PRKAB2: variants seen among roughly 807,000 people sequenced by gnomAD.
PRKAB2 encodes protein kinase AMP-activated non-catalytic subunit beta 2, also known as 5'-AMP-activated protein kinase subunit beta-2.
PRKAB2 carries 18 observed loss-of-function variants against 29.8 expected under a neutral mutation model. That is an observed-to-expected ratio of 0.60 (90% CI 0.42 to 0.89). PRKAB2 has a LOEUF of 0.89. PRKAB2 is among the 40% of genes least tolerant of loss of function. The probability of loss-of-function intolerance (pLI) is 0.00; values close to 1 mark genes in which losing one functional copy is unlikely to be tolerated. For missense variants in PRKAB2, 270 were observed against 344.3 expected, an observed-to-expected ratio of 0.78 and a Z score of 1.71; for synonymous variants, 136 against 125.9, an observed-to-expected ratio of 1.08 and a Z score of -0.54.
At chr1:147,169,181 G>GTT (rs201940212) in intron 2 of PRKAB2, among the ~76,000 whole-genome samples, 4 of 151,210 alleles carry the variant, frequency 2.6e-5, no homozygotes, top group Non-Finnish European at 5.9e-5. Context: ...AATAATGTGG[G>GTT]TTTTTTTTTA....
chr1:147,159,391 A>G lies in PRKAB2; in HGVS notation c.*174T>C. 1.8e-6 allele frequency: 1 copy of G among 564,160 alleles called. No homozygotes were observed. Among genetic ancestry groups the G allele is most frequent in the Non-Finnish European group, 3.2e-6 (1 of 316,748 alleles). 34.9% of individuals were successfully genotyped at this position (564,160 alleles called of 1,614,324 possible). On this transcript the variant is annotated 3_prime_UTR_variant, in exon 8 of 8. Transcript: ENST00000254101. ...TTCTTAAAATAAATTCCGTGAACTC[A>G]TAAAGCTCTCATCTGCAATCAAATG...
At chr1:147,164,228 C>T (rs1654121200) in intron 5 of PRKAB2, among the ~76,000 whole-genome samples, 1 of 152,116 alleles carries the variant, frequency 6.6e-6, no homozygotes, top group Non-Finnish European at 1.5e-5. Context: ...TGTGAGCCAC[C>T]AAATTCATTG....
Position 147,167,918 on chromosome 1 carries a change from C to G in PRKAB2, c.172G>C (p.Glu58Gln). The change falls in exon 3 of 8, where the codon GAG (glutamate) becomes CAG (glutamine). Residue 58 changes from glutamate (E) to glutamine (Q), a missense_variant. Physicochemically the swap from Glu to Gln is conservative, Grantham distance 29 (BLOSUM62 2). Coordinates refer to ENST00000254101, the MANE Select transcript of PRKAB2 (RefSeq NM_005399.5). ...LPDSKLPGDK[E>Q]FVSWQQDLED... ...AAATCCTGCTGCCATGATACAAACT[C>G]TTTGTCCCCAGGGAGCTGTAAGAAG... The G allele has an allele frequency of 6.2e-7, 1 of 1,613,002 alleles. No homozygotes were observed. The highest frequency in any genetic ancestry group is 2.2e-5 in the East Asian group (1 of 44,862).
rs1354534876 is a variant in PRKAB2, at chr1:147,159,460, C to T, written c.*105G>A. On this transcript the variant is annotated 3_prime_UTR_variant, in exon 8 of 8. Transcript: ENST00000254101. ...CTCAGAGGCTCTGAAACACACATAT[C>T]AGCCTCAAAGCAAATCAGCCTTCCA... is the stretch of plus-strand genomic sequence containing the variant. 2.1e-6 allele frequency: 2 copies of T among 951,670 alleles called. No individual in the cohort carries two copies. The highest frequency in any genetic ancestry group is 3.2e-6 in the Non-Finnish European group (2 of 616,010). 59.0% of individuals were successfully genotyped at this position (951,670 alleles called of 1,614,324 possible). A position where few individuals can be genotyped will look rare whatever the true frequency, so the allele number is the denominator to read the frequency against.
Position 147,161,787 on chromosome 1 carries a change from G to A in PRKAB2, c.673-7C>T. On this transcript the variant is annotated splice_polypyrimidine_tract_variant and splice_region_variant and intron_variant, in intron 6 of 7. Transcript: ENST00000254101. ...GGAGTAAGGCTGGGTCACACTAAGA[G>A]AAAGAGAAAAAAATTACTAAAAAAA... The A allele has an allele frequency of 6.3e-7, 1 of 1,595,474 alleles. No individual in the cohort carries two copies. Among genetic ancestry groups the A allele is most frequent in the Middle Eastern group, 1.7e-4 (1 of 5,980 alleles).
chr1:147,166,869 G>A lies in PRKAB2; in HGVS notation c.394C>T (p.Gln132Ter). Residue 132 changes from glutamine (Q) to a stop codon, truncating the protein, a stop_gained, in exon 4 of 8, where the codon CAG (glutamine) becomes TAG (stop). Transcript: ENST00000254101. LOFTEE classifies it high-confidence loss of function. ...EHQYKFFVDG[Q>*]WVHDPSEPVV... is the part of the protein sequence containing the mutation. ...ACCTCTGATGGATCATGAACCCACT[G>A]TCCATCCACAAAGAACTTGTATTGG... is the stretch of plus-strand genomic sequence containing the variant. 3.1e-6 allele frequency: 5 copies of A among 1,613,896 alleles called. No homozygotes were observed. Among genetic ancestry groups the A allele is most frequent in the Non-Finnish European group, 4.2e-6 (5 of 1,179,782 alleles).
Position 147,159,293 on chromosome 1 carries a change from A to G in PRKAB2, c.*272T>C. On this transcript the variant is annotated 3_prime_UTR_variant, in exon 8 of 8. Coordinates refer to ENST00000254101, the MANE Select transcript of PRKAB2 (RefSeq NM_005399.5). ...CCCAAACAGGTCTTGGTGAAAACCC[A>G]CAGGCAGAAACAATACTTCTAGCTG... 2.6e-6 allele frequency: 1 copy of G among 391,260 alleles called. No homozygotes were observed. The highest frequency in any genetic ancestry group is 4.6e-6 in the Non-Finnish European group (1 of 218,494). The allele number at this position is 391,260 out of a possible 1,614,324, so 24.2% of individuals were successfully genotyped here. A position where few individuals can be genotyped will look rare whatever the true frequency, so the allele number is the denominator to read the frequency against.
At chr1:147,164,819 A>C (rs1484007876) in intron 5 of PRKAB2, among the ~76,000 whole-genome samples, 1 of 152,200 alleles carries the variant, frequency 6.6e-6, no homozygotes, top group African/African-American at 2.4e-5. Context: ...AAAGTATGCA[A>C]GTCTTCTCTC....
chr1:147,164,472 T>C (rs895580304), intron 5 of PRKAB2, among the ~76,000 whole-genome samples: 18 of 152,064 alleles, frequency 1.2e-4, no homozygotes, highest in African/African-American at 4.3e-4. Context: ...CAATTAAAAA[T>C]AAAAAATACA....
rs782207759 is a variant in PRKAB2, at chr1:147,162,439, C to A, written c.672+1G>T. The A allele has an allele frequency of 6.2e-7, 1 of 1,611,322 alleles. No individual in the cohort carries two copies. Among genetic ancestry groups the A allele is most frequent in the South Asian group, 1.1e-5 (1 of 90,678 alleles). On this transcript the variant is annotated splice_donor_variant, in intron 6 of 7. Transcript: ENST00000254101. LOFTEE classifies it high-confidence loss of function. Reference sequence around the variant, plus strand: ...GCCCCAGTAATACTCAGGATACTCACAGAAATATTAGTGTCTTTGTTAAGA... The same window carrying A: ...GCCCCAGTAATACTCAGGATACTCAAAGAAATATTAGTGTCTTTGTTAAGA...
intron 7 of PRKAB2, among the ~76,000 whole-genome samples, chr1:147,160,581 C>T (rs1270711834): frequency 1.3e-5 from 2 of 152,170 alleles, no homozygotes; most frequent in Admixed American, 6.5e-5. Context: ...GAATGCTTCT[C>T]GGGTTAACAC....
At chr1:147,161,389 A>AC (rs1653950644) in intron 7 of PRKAB2, among the ~76,000 whole-genome samples, 1 of 44,172 alleles carries the variant, frequency 2.3e-5, no homozygotes, top group Non-Finnish European at 3.7e-5. Context: ...ACTGGAAGCT[A>AC]AACCTGCTTT....
In PRKAB2 at chr1:147,155,808, C is replaced by G. The variant is rs587688363; in HGVS notation, c.*3757G>C. The G allele has an allele frequency of 1.3e-5, 2 of 152,648 alleles. No individual in the cohort carries two copies. The highest frequency in any genetic ancestry group is 4.2e-4 in the South Asian group (2 of 4,806). 9.5% of individuals were successfully genotyped at this position (152,648 alleles called of 1,614,324 possible). Reference sequence around the variant, plus strand: ...GAGAAAAGCAAATCCAGACAAAGCCCAAACTAGAATCCTAGAGCGATTCCA... The same window carrying G: ...GAGAAAAGCAAATCCAGACAAAGCCGAAACTAGAATCCTAGAGCGATTCCA... On this transcript the variant is annotated 3_prime_UTR_variant, in exon 8 of 8. Transcript: ENST00000254101.
chr1:147,168,142 C>T (rs368840189), intron 2 of PRKAB2, among the ~76,000 whole-genome samples: 2 of 152,118 alleles, frequency 1.3e-5, no homozygotes, highest in African/African-American at 4.8e-5. Context: ...TCAAGCACTG[C>T]CTAAATCATA....
intron 5 of PRKAB2, among the ~76,000 whole-genome samples, chr1:147,165,986 G>A (rs1654225933): frequency 6.6e-6 from 1 of 152,110 alleles, no homozygotes; most frequent in Admixed American, 6.6e-5. Context: ...TTTTTGTAGA[G>A]ATGGGTCTTG....
intron 5 of PRKAB2, among the ~76,000 whole-genome samples, chr1:147,163,527 A>G (rs185074565): frequency 1.3e-5 from 2 of 152,324 alleles, no homozygotes; most frequent in East Asian, 3.9e-4. Context: ...AGAGCGAAGT[A>G]CTGATACATG....
chr1:147,166,899 C>G lies in PRKAB2; in HGVS notation c.364G>C (p.Glu122Gln), dbSNP rs782569228. 7.4e-6 allele frequency: 12 copies of G among 1,614,000 alleles called. No homozygotes were observed. The highest frequency in any genetic ancestry group is 1.6e-4 in the Middle Eastern group (1 of 6,084). The change falls in exon 4 of 8, where the codon GAG becomes CAG. Residue 122 changes from glutamate to glutamine, a missense_variant. This residue lies in a region of PRKAB2 where 228 missense variants were observed against 255.5 expected (regional missense o/e 0.89). Coordinates refer to ENST00000254101, the MANE Select transcript of PRKAB2 (RefSeq NM_005399.5). ...FVAILDLPEG[E>Q]HQYKFFVDGQ... is the part of the protein sequence containing the mutation. ...TCCACAAAGAACTTGTATTGGTGCTCTCCCTCAGGGAGGTCCAGGATGGCA... is the reference window on the plus strand; with the variant it reads ...TCCACAAAGAACTTGTATTGGTGCTGTCCCTCAGGGAGGTCCAGGATGGCA...
chr1:147,166,443 T>C (rs1553913702), intron 5 of PRKAB2, 55 bp downstream of exon 5: 2 of 1,579,272 alleles, frequency 1.3e-6, no homozygotes, highest in African/African-American at 1.4e-5. Flanking sequence ...AAACAACTTT[T>C]AGGAAGGAAC....
chr1:147,166,986 G>A (rs1654282610), intron 3 of PRKAB2, 47 bp from the exon 4 acceptor site: 1 of 1,462,992 alleles, frequency 6.8e-7, no homozygotes, highest in Non-Finnish European at 9.5e-7. Context: ...CCTTTTAGAA[G>A]ACTGAATCTA....
Sources: allele counts gnomAD v4.1 joint callset (sites outside exome capture counted in the v4.1 genomes callset), GRCh38; gene constraint gnomAD v4.1.1; regional missense constraint gnomAD v4.1.1; transcripts MANE v1.5; gene names NCBI Gene and HGNC (gene_info 2026-07-23, HGNC 2026-07-21).